RAD51B: variants seen among roughly 807,000 people sequenced by gnomAD.
The protein encoded by RAD51B is RAD51 paralog B.
In RAD51B, 38 loss-of-function variants were observed where a neutral mutation model predicts 42.2. The observed-to-expected ratio is 0.90, with a 90% confidence interval of 0.70 to 1.18. The LOEUF (loss-of-function observed/expected upper bound fraction) is 1.18, where lower values mean the gene tolerates loss of function less well. Among genes scored for constraint, RAD51B ranks in the 50% most tolerant of loss-of-function variants. RAD51B has a pLI of 0.00. For synonymous variants in RAD51B, 154 were observed against 145.2 expected (o/e 1.06, Z -0.43); for missense variants, 373 against 400.7 (o/e 0.93, Z 0.59).
intron 9 of RAD51B, among the ~76,000 whole-genome samples, chr14:68,457,890 G>A (rs1594867332): frequency 6.7e-6 from 1 of 149,348 alleles, no homozygotes; most frequent in East Asian, 1.9e-4. Flanking sequence ...TGGGATTACA[G>A]GCGTGAGCCA....
chr14:68,611,575 A>G (rs1891683476), downstream of RAD51B: 3 of 403,792 alleles, frequency 7.4e-6, no homozygotes, highest in Admixed American at 4.1e-5. Flanking sequence ...GAAAGGTACC[A>G]TATAGAAATA....
intron 10 of RAD51B, among the ~76,000 whole-genome samples, chr14:68,521,498 G>A (rs1215012259): frequency 1.3e-5 from 2 of 152,256 alleles, no homozygotes; most frequent in African/African-American, 4.8e-5. Flanking sequence ...TTCTAAGTGT[G>A]TAGGTATTAG....
At chr14:68,006,943 C>T (rs1157648526) in intron 7 of RAD51B, among the ~76,000 whole-genome samples, 1 of 152,044 alleles carries the variant, frequency 6.6e-6, no homozygotes, top group Non-Finnish European at 1.5e-5. Context: ...TTACTTTATT[C>T]ATGGAGTTGT....
At chr14:67,967,503 G>A (rs765455919) in intron 7 of RAD51B, among the ~76,000 whole-genome samples, 1 of 152,172 alleles carries the variant, frequency 6.6e-6, no homozygotes, top group Non-Finnish European at 1.5e-5. Context: ...GACACAATAA[G>A]GGTACAGGCA....
chr14:68,576,352 T>C (rs1474791922), intron 10 of RAD51B, among the ~76,000 whole-genome samples: 2 of 152,192 alleles, frequency 1.3e-5, no homozygotes, highest in Admixed American at 6.5e-5. Flanking sequence ...AGGGGACACC[T>C]TCCTCCTTTT....
At chr14:68,556,529 G>A (rs1048946663) in intron 10 of RAD51B, among the ~76,000 whole-genome samples, 12 of 152,150 alleles carry the variant, frequency 7.9e-5, no homozygotes, top group Non-Finnish European at 1.6e-4. Flanking sequence ...GAGAAGAGGA[G>A]GTGGCTAGAA....
chr14:68,530,789 C>T (rs1887255126), intron 10 of RAD51B, among the ~76,000 whole-genome samples: 1 of 151,764 alleles, frequency 6.6e-6, no homozygotes, highest in Non-Finnish European at 1.5e-5. Flanking sequence ...AGTTTCAAGG[C>T]AGGACATAGA....
At chr14:68,562,399 C>T in intron 10 of RAD51B, 3 of 984,452 alleles carry the variant, frequency 3.0e-6, no homozygotes, top group Non-Finnish European at 3.6e-6. Context: ...AGGAAATGGA[C>T]TTATGCAGAG....
At chr14:68,285,734 C>T (rs2139642423) in intron 7 of RAD51B, among the ~76,000 whole-genome samples, 1 of 152,278 alleles carries the variant, frequency 6.6e-6, no homozygotes, top group South Asian at 2.1e-4. Flanking sequence ...CCTGAGATGC[C>T]TGAGGTTGCT....
At chr14:68,577,183 A>G (rs1332874286) in intron 10 of RAD51B, among the ~76,000 whole-genome samples, 1 of 152,166 alleles carries the variant, frequency 6.6e-6, no homozygotes, top group Non-Finnish European at 1.5e-5. Flanking sequence ...GTTGTTCTCC[A>G]TTATTACTGT....
At chr14:68,348,921 C>G (rs1030339967) in intron 8 of RAD51B, among the ~76,000 whole-genome samples, 2 of 152,112 alleles carry the variant, frequency 1.3e-5, no homozygotes, top group Admixed American at 6.5e-5. Context: ...ATAAACAAAC[C>G]TTTTCTGTAA....
chr14:68,159,289 TA>T (rs894981207), intron 7 of RAD51B, among the ~76,000 whole-genome samples: 4 of 152,146 alleles, frequency 2.6e-5, no homozygotes, highest in African/African-American at 4.8e-5. Flanking sequence ...AAAAATTGAT[TA>T]AAAAAATAGC....
chr14:68,593,643 G>A (rs1890855829), intron 10 of RAD51B, among the ~76,000 whole-genome samples: 1 of 152,150 alleles, frequency 6.6e-6, no homozygotes, highest in Admixed American at 6.5e-5. Flanking sequence ...CTGGCACCTG[G>A]GCTGGCTGAA....
chr14:68,523,893 A>G (rs1886753640), intron 10 of RAD51B, among the ~76,000 whole-genome samples: 1 of 152,228 alleles, frequency 6.6e-6, no homozygotes. Flanking sequence ...AAAACAAAGA[A>G]GCATATTGCT....
intron 8 of RAD51B, among the ~76,000 whole-genome samples, chr14:68,353,980 G>A (rs2082843019): frequency 6.6e-6 from 1 of 152,156 alleles, no homozygotes. Context: ...TGTGATGTTA[G>A]GCAAGCAAGC....
At chr14:68,366,731 C>G (rs1272467475) in intron 8 of RAD51B, among the ~76,000 whole-genome samples, 1 of 152,162 alleles carries the variant, frequency 6.6e-6, no homozygotes, top group African/African-American at 2.4e-5. Context: ...GGCTTGTTGT[C>G]CCACACCCTA....
chr14:68,142,834 T>C (rs2078155988), intron 7 of RAD51B, among the ~76,000 whole-genome samples: 1 of 152,116 alleles, frequency 6.6e-6, no homozygotes, highest in South Asian at 2.1e-4. Flanking sequence ...TTTTGGATAA[T>C]TACTTACCAA....
At chr14:68,338,667 T>C (rs1294381130) in intron 8 of RAD51B, 2 of 283,790 alleles carry the variant, frequency 7.0e-6, no homozygotes, top group African/African-American at 4.5e-5. Context: ...TTTTTCTTTT[T>C]TGAAGGAAAT....
intron 7 of RAD51B, among the ~76,000 whole-genome samples, chr14:68,184,092 C>CAA (rs148664784): frequency 0.011 from 1,244 of 113,234 alleles, 13 homozygotes; most frequent in African/African-American, 0.027. Context: ...GACTCCATCT[C>CAA]AAAAAAAAAA....
Sources: allele counts gnomAD v4.1 joint callset (sites outside exome capture counted in the v4.1 genomes callset), GRCh38; gene constraint gnomAD v4.1.1; transcripts MANE v1.5; gene names NCBI Gene and HGNC (gene_info 2026-07-23, HGNC 2026-07-21).